The following SLC25A3 variants were observed in gnomAD, a reference collection of about 807,000 sequenced individuals.
SLC25A3 encodes the protein solute carrier family 25 member 3.
Under a neutral mutation model 37.1 loss-of-function variants are expected in SLC25A3, and 14 were observed. The observed-to-expected ratio is 0.38, with a 90% CI of 0.25 to 0.59. The LOEUF is 0.59. Ranked by LOEUF, SLC25A3 falls within the 20% of genes least tolerant of loss-of-function variation. The pLI, the probability that SLC25A3 is intolerant of heterozygous loss-of-function variation, is 0.67. For missense variants in SLC25A3, 385 were observed against 458.1 expected, an observed-to-expected ratio of 0.84 and a Z score of 1.46; for synonymous variants, 161 against 168.7, an observed-to-expected ratio of 0.95 and a Z score of 0.36.
chr12:98,594,128 C>G lies in SLC25A3; in HGVS notation c.150C>G (p.Ala50=). ...PRRPRNLAAA[A]VEEYSCEFGS... The stretch of plus-strand genomic sequence containing the variant: ...GCCCTCGCAACCTGGCAGCCGCCGC[C>G]GTGGAAGGTGAGATCAGACCCTGCC... Residue 50 remains alanine (A), a synonymous_variant, in exon 2 of 8, where the codon GCC becomes GCG. Coordinates refer to ENST00000552981, the MANE Select transcript of SLC25A3 (RefSeq NM_002635.4). 6.2e-7 allele frequency: 1 copy of G among 1,610,226 alleles called. No individual in the cohort carries two copies. The highest frequency in any genetic ancestry group is 8.5e-7 in the Non-Finnish European group (1 of 1,178,460).
chr12:98,599,518 A>T lies in SLC25A3; in HGVS notation c.642-437A>T, dbSNP rs144921316. 2.9e-3 allele frequency: 1,231 copies of T among 425,882 alleles called. 13 individuals carry two copies. Among genetic ancestry groups the T allele is most frequent in the African/African-American group, 0.023 (1,125 of 48,648 alleles). 26.4% of individuals were successfully genotyped at this position (425,882 alleles called of 1,614,324 possible). On this transcript the variant is annotated intron_variant, in intron 5 of 7. Coordinates refer to ENST00000552981, the MANE Select transcript of SLC25A3 (RefSeq NM_002635.4). ...TTTTTTTTTTTTCCCTAGAGTAAGG[A>T]CCATTTGTCGGTCTACAAATGACTT...
chr12:98,601,972 T>C lies in SLC25A3; in HGVS notation c.*444T>C. 5.0e-6 allele frequency: 1 copy of C among 201,202 alleles called. No individual in the cohort carries two copies. Among genetic ancestry groups the C allele is most frequent in the East Asian group, 1.4e-4 (1 of 7,142 alleles). The allele number at this position is 201,202 out of a possible 1,614,324, so 12.5% of individuals were successfully genotyped here. A position where few individuals can be genotyped will look rare whatever the true frequency, so the allele number is the denominator to read the frequency against. ...TATGTGTAGTCATTTGTGGTTATTT[T>C]GGCAAGTAAATGTCAGTGTATACTT... On this transcript the variant is annotated 3_prime_UTR_variant, in exon 8 of 8. Coordinates refer to ENST00000552981, the MANE Select transcript of SLC25A3 (RefSeq NM_002635.4).
intron 2 of SLC25A3, chr12:98,595,419 T>C: frequency 6.2e-7 from 1 of 1,613,748 alleles, no homozygotes; most frequent in African/African-American, 1.3e-5. Flanking sequence ...ATTTTTTTTT[T>C]TCCAATCAAA....
At position 98,601,481 on chromosome 12, in the gene SLC25A3, C is replaced by A. The variant is rs2097597842; in HGVS notation, c.1039C>A (p.Pro347Thr). 1 of 1,613,960 alleles carries A rather than the reference C, an allele frequency of 6.2e-7. No individual in the cohort carries two copies. Residue 347 changes from proline (P) to threonine (T), a missense_variant, in exon 8 of 8, where the codon CCC becomes ACC. Physicochemically the swap from Pro to Thr is conservative, Grantham distance 38. This residue lies in a region of SLC25A3 where 276 missense variants were observed against 367.6 expected (regional missense o/e 0.75). Coordinates refer to ENST00000552981, the MANE Select transcript of SLC25A3 (RefSeq NM_002635.4). ...VYFRLPRPPP[P>T]EMPESLKKKL... ...CTTCAGACTTCCTCGCCCTCCTCCA[C>A]CCGAGATGCCAGAGTCTCTGAAGAA...
At position 98,594,591 on chromosome 12, in the gene SLC25A3, T is replaced by G; in HGVS notation, c.157+456T>G. The G allele has an allele frequency of 5.3e-6, 3 of 562,972 alleles. No homozygotes were observed. The South Asian group carries it at 6.2e-5, about 12-fold the overall frequency. The allele number at this position is 562,972 out of a possible 1,614,324, so 34.9% of individuals were successfully genotyped here. The stretch of plus-strand genomic sequence containing the variant: ...GACGCCAGGTCAGTCATTTTTGCAC[T>G]TAATTGTATATGAGATAACTAGATG... On this transcript the variant is annotated intron_variant, in intron 2 of 7. Coordinates refer to ENST00000552981, the MANE Select transcript of SLC25A3 (RefSeq NM_002635.4).
In SLC25A3 at chr12:98,595,786, T is replaced by G. The variant is rs754191704; in HGVS notation, c.217T>G (p.Leu73Val). Residue 73 changes from leucine (L) to valine (V), a missense_variant, in exon 3 of 8, where the codon TTA becomes GTA. Leu to Val is a conservative substitution (Grantham distance 32). This residue lies in a region of SLC25A3 where 276 missense variants were observed against 367.6 expected (regional missense o/e 0.75). Transcript: ENST00000552981. ...YYALCGFGGV[L>V]SCGLTHTAVV... ...TGCACTGTGTGGCTTTGGTGGGGTC[T>G]TAAGTTGTGGTCTGACACACACTGC... is the stretch of plus-strand genomic sequence containing the variant. The G allele has an allele frequency of 3.1e-6, 5 of 1,614,234 alleles. No homozygotes were observed. The highest frequency in any genetic ancestry group is 3.4e-6 in the Non-Finnish European group (4 of 1,180,030).
chr12:98,593,719 T>TGTGTGATCGCCATCTTAGGGAGTGA lies in SLC25A3; in HGVS notation c.-20_-5+9dup. On this transcript the variant is annotated 5_prime_UTR_variant, in exon 1 of 8. Transcript: ENST00000552981. ...GCCGCAACCTTTCCAAGGGAGTGGT[T>TGTGTGATCGCCATCTTAGGGAGTGA]GTGTGATCGCCATCTTAGGGAGTGA... is the stretch of plus-strand genomic sequence containing the variant. The TGTGTGATCGCCATCTTAGGGAGTGA allele has an allele frequency of 1.8e-6, 1 of 569,980 alleles. No homozygotes were observed. Among genetic ancestry groups the TGTGTGATCGCCATCTTAGGGAGTGA allele is most frequent in the South Asian group, 2.0e-5 (1 of 49,970 alleles). The allele number at this position is 569,980 out of a possible 1,614,324, so 35.3% of individuals were successfully genotyped here.
chr12:98,594,255 C>G, intron 2 of SLC25A3, 120 bp downstream of exon 2: 2 of 868,948 alleles, frequency 2.3e-6, no homozygotes, highest in Non-Finnish European at 3.7e-6. Context: ...CACCGTAGGA[C>G]GGCGCCCAGT....
chr12:98,599,688 T>A, intron 5 of SLC25A3: 1 of 625,594 alleles, frequency 1.6e-6, no homozygotes, highest in Non-Finnish European at 3.0e-6. Flanking sequence ...GAGTTCCACT[T>A]GTAAACTTCT....
intron 5 of SLC25A3, 74 bp downstream of exon 5, chr12:98,598,777 T>C: frequency 7.1e-7 from 1 of 1,405,516 alleles, no homozygotes; most frequent in Non-Finnish European, 9.8e-7. Flanking sequence ...TTGTTTTTTT[T>C]TTTGTTTTGT....
intron 2 of SLC25A3, chr12:98,594,996 G>T: frequency 5.0e-6 from 1 of 201,086 alleles, no homozygotes; most frequent in South Asian, 8.0e-5. Context: ...AGGAATTTGT[G>T]CGTATCCGTT....
intron 3 of SLC25A3, among the ~76,000 whole-genome samples, chr12:98,596,702 T>C (rs895014521): frequency 3.9e-5 from 6 of 152,298 alleles, no homozygotes; most frequent in Admixed American, 1.3e-4. Flanking sequence ...ATCTATTATC[T>C]AGACAGTAGC....
At position 98,601,358 on chromosome 12, in the gene SLC25A3, T is replaced by C. The variant is rs765419381; in HGVS notation, c.926-10T>C. 2 of 1,614,120 alleles carry C rather than the reference T, an allele frequency of 1.2e-6. No individual in the cohort carries two copies. The highest frequency in any genetic ancestry group is 2.2e-5 in the South Asian group (2 of 91,088). ...GCATTTTTTTCATTTGCTTTTCCTG[T>C]TTGAACCAGGTGTATGGAAGGGACT... is the stretch of plus-strand genomic sequence containing the variant. On this transcript the variant is annotated splice_polypyrimidine_tract_variant and intron_variant, in intron 7 of 7. Coordinates refer to ENST00000552981, the MANE Select transcript of SLC25A3 (RefSeq NM_002635.4).
rs951537664 is a variant in SLC25A3 at position 98,602,489 on chromosome 12, A to G, written c.*961A>G. On this transcript the variant is annotated 3_prime_UTR_variant, in exon 8 of 8. Coordinates refer to ENST00000552981, the MANE Select transcript of SLC25A3 (RefSeq NM_002635.4). ...CTGACTTTTTACAGAAAATTGAACT[A>G]TTTTCAGTCTGGTATTTTAAGAAAG... is the stretch of plus-strand genomic sequence containing the variant. 2.6e-5 allele frequency: 4 copies of G among 152,094 alleles called. No homozygotes were observed. The highest frequency in any genetic ancestry group is 7.2e-5 in the African/African-American group (3 of 41,418). The allele number at this position is 152,094 out of a possible 1,614,324, so 9.4% of individuals were successfully genotyped here. A position where few individuals can be genotyped will look rare whatever the true frequency, so the allele number is the denominator to read the frequency against.
chr12:98,596,929 G>A (rs1467585697), intron 3 of SLC25A3, among the ~76,000 whole-genome samples: 1 of 152,134 alleles, frequency 6.6e-6, no homozygotes. Flanking sequence ...TGAGGCAGGA[G>A]AATCGCTTGA....
At chr12:98,595,989 T>C in intron 3 of SLC25A3, 141 bp downstream of exon 3, 1 of 778,110 alleles carries the variant, frequency 1.3e-6, no homozygotes, top group Admixed American at 2.0e-5. Context: ...ATTGTGGGCT[T>C]TATTTTGACT....
intron 4 of SLC25A3, 50 bp downstream of exon 4, chr12:98,598,085 G>A (rs1300685028): frequency 3.1e-6 from 5 of 1,594,034 alleles, no homozygotes; most frequent in South Asian, 2.2e-5. Flanking sequence ...AAGACTTTCC[G>A]AGTGTTCTTA....
At chr12:98,596,532 T>C (rs1174086769) in intron 3 of SLC25A3, among the ~76,000 whole-genome samples, 1 of 152,090 alleles carries the variant, frequency 6.6e-6, no homozygotes, top group South Asian at 2.1e-4. Context: ...ATGTAATGGA[T>C]ATGAAATGTA....
chr12:98,596,637 A>G (rs1348034606), intron 3 of SLC25A3, among the ~76,000 whole-genome samples: 1 of 152,184 alleles, frequency 6.6e-6, no homozygotes, highest in Non-Finnish European at 1.5e-5. Context: ...AGTGTTCACA[A>G]AACTTTATGC....
Sources: gnomAD v4.1 joint callset for allele counts (sites outside exome capture counted in the v4.1 genomes callset) on GRCh38, gnomAD v4.1.1 for gene constraint, gnomAD v4.1.1 regional missense constraint, MANE v1.5 for transcripts, NCBI Gene and HGNC (gene_info 2026-07-23, HGNC 2026-07-21) for gene names.